The following SELP variants were observed in gnomAD, a reference collection of about 807,000 sequenced individuals.
SELP encodes the protein P-selectin.
SELP carries 92 observed loss-of-function variants against 104.1 expected under a neutral mutation model. The observed-to-expected ratio is 0.88, with a 90% CI of 0.75 to 1.05. The LOEUF is 1.05. SELP is among the 50% of genes least tolerant of loss of function. The pLI is 0.00. For missense variants in SELP, 1,022 were observed against 1,017.3 expected, an observed-to-expected ratio of 1.00 and a Z score of -0.06; for synonymous variants, 397 against 364.5, an observed-to-expected ratio of 1.09 and a Z score of -1.01.
intron 2 of SELP, among the ~76,000 whole-genome samples, chr1:169,618,520 G>T (rs576098916): frequency 6.6e-6 from 1 of 152,332 alleles, no homozygotes; most frequent in African/African-American, 2.4e-5. Context: ...GGTGTACAAA[G>T]CAAGCAATCA....
At chr1:169,616,011 A>G (rs777888314) in intron 3 of SELP, among the ~76,000 whole-genome samples, 5 of 152,208 alleles carry the variant, frequency 3.3e-5, no homozygotes, top group Non-Finnish European at 7.3e-5. Context: ...CAAAGGACAG[A>G]ACCGGCCCCT....
At chr1:169,619,400 T>A (rs1286639194) in intron 1 of SELP, among the ~76,000 whole-genome samples, 181 bp from the exon 2 acceptor site, 1 of 152,246 alleles carries the variant, frequency 6.6e-6, no homozygotes, top group African/African-American at 2.4e-5. Context: ...CTACCCTGGA[T>A]GGACACTGTA....
At chr1:169,602,925 G>C (rs1030604845) in intron 10 of SELP, 101 bp downstream of exon 10, 2 of 942,102 alleles carry the variant, frequency 2.1e-6, no homozygotes, top group Non-Finnish European at 3.1e-6. Context: ...GGAGAGTGTT[G>C]TTTGCTTCAG....
chr1:169,617,437 C>T, intron 2 of SELP, 23 bp from the exon 3 acceptor site: 1 of 1,607,534 alleles, frequency 6.2e-7, no homozygotes, highest in Non-Finnish European at 8.5e-7. Context: ...AGAGTGAGTG[C>T]CAGGTTAGTA....
chr1:169,607,172 T>C, intron 8 of SELP, 38 bp from the exon 9 acceptor site: 1 of 1,475,982 alleles, frequency 6.8e-7, no homozygotes, highest in South Asian at 1.4e-5. Context: ...GAAACAGTAA[T>C]ACACATGTAC....
rs1274700826 is a variant in SELP at position 169,624,641 on chromosome 1, T to C, written c.4-5422A>G. On this transcript the variant is annotated intron_variant, in intron 1 of 16. Transcript: ENST00000263686. ...GCACATGTCTGTAGTCCCAGCTACT[T>C]GGGAGGCTGAGGCAGGAGAATCGCT... Among the ~76,000 whole-genome samples the C allele has an allele frequency of 5.9e-5, 9 of 152,040 alleles. No homozygotes were observed. In the East Asian group the frequency reaches 1.7e-3, roughly 29 times the overall value.
At chr1:169,595,443 G>T (rs1661557499) in intron 12 of SELP, among the ~76,000 whole-genome samples, 1 of 152,172 alleles carries the variant, frequency 6.6e-6, no homozygotes, top group Admixed American at 6.5e-5. Context: ...GCAAAGCACT[G>T]TGCTATGTTT....
In SELP at chr1:169,607,821, T is replaced by C. The variant is rs113738315; in HGVS notation, c.1334-687A>G. ...GCTATATTAGTAGCAGTGGTAGTAATAGATAGTAATAATATCATTAAGGCT... is the reference window on the plus strand; with the variant it reads ...GCTATATTAGTAGCAGTGGTAGTAACAGATAGTAATAATATCATTAAGGCT... On this transcript the variant is annotated intron_variant, in intron 8 of 16. Transcript: ENST00000263686. Among the ~76,000 whole-genome samples, 81 of 152,244 alleles carry C rather than the reference T, an allele frequency of 5.3e-4. 1 individual carries two copies. Among genetic ancestry groups the C allele is most frequent in the Middle Eastern group, 6.8e-3 (2 of 294 alleles).
At chr1:169,589,811 G>A (rs549500568) in intron 16 of SELP, among the ~76,000 whole-genome samples, 13 of 152,234 alleles carry the variant, frequency 8.5e-5, no homozygotes, top group South Asian at 2.1e-4. Context: ...ATAACAGTTC[G>A]TAAACATTTT....
Position 169,593,813 on chromosome 1 carries a change from C to CT in SELP, c.2288-90dup, listed in dbSNP as rs1661464491. ...CTCTCCCAGAAAGTTTTCAAGAACT[C>CT]TAAGATGTGCGATCAAGTAGGATCA... is the stretch of plus-strand genomic sequence containing the variant. On this transcript the variant is annotated intron_variant, in intron 13 of 16. Coordinates refer to ENST00000263686, the MANE Select transcript of SELP (RefSeq NM_003005.4). 3.6e-6 allele frequency: 5 copies of CT among 1,387,228 alleles called. No homozygotes were observed. In the Admixed American group the frequency reaches 7.6e-5, roughly 21 times the overall value. 85.9% of individuals were successfully genotyped at this position (1,387,228 alleles called of 1,614,324 possible).
chr1:169,628,843 C>T (rs938515262), intron 1 of SELP, among the ~76,000 whole-genome samples: 36 of 152,182 alleles, frequency 2.4e-4, no homozygotes, highest in Admixed American at 2.6e-4. Flanking sequence ...ATCCTTAGGT[C>T]ATTGTGGTTC....
intron 3 of SELP, among the ~76,000 whole-genome samples, chr1:169,614,123 A>C (rs1392851978): frequency 1.3e-5 from 2 of 152,220 alleles, no homozygotes; most frequent in African/African-American, 4.8e-5. Context: ...TGTGATATGA[A>C]TCCTGGCTCT....
intron 3 of SELP, 103 bp from the exon 4 acceptor site, chr1:169,613,796 A>G: frequency 1.1e-6 from 1 of 907,630 alleles, no homozygotes. Context: ...GATAGGACTG[A>G]GCTAGCCAGA....
chr1:169,604,771 TG>T (rs1481411555), intron 9 of SELP, among the ~76,000 whole-genome samples: 1 of 152,088 alleles, frequency 6.6e-6, no homozygotes, highest in Non-Finnish European at 1.5e-5. Context: ...GGAAAGGGTG[TG>T]GGTGAGGATG....
At position 169,626,111 on chromosome 1, in the gene SELP, A is replaced by G. The variant is rs114086637; in HGVS notation, c.3+3961T>C. Among the ~76,000 whole-genome samples the G allele has an allele frequency of 4.4e-3, 671 of 152,320 alleles. 3 individuals are homozygous for G. Among genetic ancestry groups the G allele is most frequent in the African/African-American group, 0.015 (628 of 41,566 alleles). ...AGCATTAAAGGAAGAAGAAAAAGCTATTTCAAAGGCCTTAAGGTGGAAGCA... is the reference window on the plus strand; with the variant it reads ...AGCATTAAAGGAAGAAGAAAAAGCTGTTTCAAAGGCCTTAAGGTGGAAGCA... On this transcript the variant is annotated intron_variant, in intron 1 of 16. Transcript: ENST00000263686.
Position 169,611,741 on chromosome 1 carries a change from C to T in SELP, c.962-64G>A, listed in dbSNP as rs1014191821. The T allele has an allele frequency of 3.5e-6, 5 of 1,434,832 alleles. No individual in the cohort carries two copies. The Middle Eastern group carries it at 9.2e-4, about 264-fold the overall frequency. The allele number at this position is 1,434,832 out of a possible 1,614,324, so 88.9% of individuals were successfully genotyped here. A position where few individuals can be genotyped will look rare whatever the true frequency, so the allele number is the denominator to read the frequency against. On this transcript the variant is annotated intron_variant, in intron 6 of 16. Coordinates refer to ENST00000263686, the MANE Select transcript of SELP (RefSeq NM_003005.4). The stretch of plus-strand genomic sequence containing the variant: ...GAAAGGAGAAAAGCCACACAGAGAG[C>T]AATGGTGGAACCACCTCTGAAATGC...
At chr1:169,623,969 C>T (rs543618061) in intron 1 of SELP, among the ~76,000 whole-genome samples, 50 of 152,200 alleles carry the variant, frequency 3.3e-4, no homozygotes, top group African/African-American at 1.1e-3. Flanking sequence ...TGATAAAAGC[C>T]GTGGTCAGAT....
intron 14 of SELP, among the ~76,000 whole-genome samples, chr1:169,592,487 C>A (rs1184045325): frequency 6.6e-6 from 1 of 152,032 alleles, no homozygotes; most frequent in Admixed American, 6.6e-5. Flanking sequence ...TCTCTGATGC[C>A]CCCAGTTACT....
At chr1:169,623,185 T>TA (rs1663219533) in intron 1 of SELP, among the ~76,000 whole-genome samples, 1 of 108 alleles carries the variant, frequency 9.3e-3, no homozygotes, top group Non-Finnish European at 0.016. Context: ...ACCTGGGCTT[T>TA]GCTCTATTCA....
Sources: allele counts gnomAD v4.1 joint callset (sites outside exome capture counted in the v4.1 genomes callset), GRCh38; gene constraint gnomAD v4.1.1; transcripts MANE v1.5; gene names NCBI Gene and HGNC (gene_info 2026-07-23, HGNC 2026-07-21).